Variants in RBFOX1 observed in about 807,000 individuals in gnomAD.
RBFOX1 encodes RNA binding fox-1 homolog 1.
Under a neutral mutation model 57.7 loss-of-function variants are expected in RBFOX1, and 8 were observed. The observed-to-expected ratio is 0.14, with a 90% CI of 0.08 to 0.25. The LOEUF (loss-of-function observed/expected upper bound fraction) is 0.25. Ranked by LOEUF, RBFOX1 falls within the 10% of genes least tolerant of loss-of-function variation. The pLI is 1.00. For missense variants in RBFOX1, 611 were observed against 548.5 expected (o/e 1.11, Z -1.14); for synonymous variants, 326 against 222.4 (o/e 1.47, Z -4.15).
chr16:6,845,407 G>T (rs926906211), intron 3 of RBFOX1, among the ~76,000 whole-genome samples: 2 of 152,022 alleles, frequency 1.3e-5, no homozygotes, highest in Non-Finnish European at 2.9e-5. Context: ...TGGCCAGACA[G>T]TTGTCCCAGC....
At chr16:7,313,033 G>T (rs1603618624) in intron 4 of RBFOX1, among the ~76,000 whole-genome samples, 1 of 152,222 alleles carries the variant, frequency 6.6e-6, no homozygotes, top group East Asian at 1.9e-4. Flanking sequence ...TGTAGGAGAG[G>T]CAGCGTGTTC....
chr16:6,895,001 C>T (rs993931804), intron 3 of RBFOX1, among the ~76,000 whole-genome samples: 4 of 152,140 alleles, frequency 2.6e-5, no homozygotes, highest in African/African-American at 9.7e-5. Flanking sequence ...AAAATTACCA[C>T]TAAACAACGT....
chr16:7,501,708 C>G (rs1031954526), intron 4 of RBFOX1, among the ~76,000 whole-genome samples: 3 of 152,180 alleles, frequency 2.0e-5, no homozygotes, highest in Non-Finnish European at 2.9e-5. Context: ...CAGTCTGTAT[C>G]CTACCACCTG....
chr16:7,215,404 A>G (rs1292020736), intron 4 of RBFOX1, among the ~76,000 whole-genome samples: 3 of 152,220 alleles, frequency 2.0e-5, no homozygotes, highest in African/African-American at 7.2e-5. Flanking sequence ...AATAGCAAAG[A>G]CTTGGAACCA....
chr16:5,971,167 C>G (rs1188545919), intron 4 of RBFOX1, among the ~76,000 whole-genome samples: 1 of 152,226 alleles, frequency 6.6e-6, no homozygotes, highest in Non-Finnish European at 1.5e-5. Flanking sequence ...TCTGCTGGCT[C>G]TGGGGATAGA....
chr16:5,517,923 A>G (rs930157690), intron 2 of RBFOX1, among the ~76,000 whole-genome samples: 2 of 143,292 alleles, frequency 1.4e-5, no homozygotes, highest in East Asian at 2.1e-4. Flanking sequence ...AAAATATGCA[A>G]AAGCTACTGT....
intron 2 of RBFOX1, among the ~76,000 whole-genome samples, chr16:5,547,085 G>A (rs1195937078): frequency 1.3e-5 from 2 of 152,132 alleles, no homozygotes; most frequent in African/African-American, 4.8e-5. Flanking sequence ...ACTGAAAGTA[G>A]AAAGACTGAC....
chr16:7,222,227 T>A (rs921030489), intron 4 of RBFOX1, among the ~76,000 whole-genome samples: 18 of 152,158 alleles, frequency 1.2e-4, no homozygotes, highest in Non-Finnish European at 4.4e-5. Context: ...GGCCTTGCAT[T>A]CTTCTTTGCT....
At chr16:5,363,810 C>A (rs1352537262) in intron 1 of RBFOX1, among the ~76,000 whole-genome samples, 7 of 152,164 alleles carry the variant, frequency 4.6e-5, no homozygotes, top group African/African-American at 1.7e-4. Flanking sequence ...TCTTGAGCTC[C>A]CTGGGGTTCC....
At chr16:5,905,240 G>C (rs139351871) in intron 4 of RBFOX1, among the ~76,000 whole-genome samples, 1 of 151,540 alleles carries the variant, frequency 6.6e-6, no homozygotes, top group East Asian at 2.0e-4. Flanking sequence ...GCTAATTTTC[G>C]TATTATTAGT....
At chr16:6,939,342 T>A (rs1490659764) in intron 3 of RBFOX1, among the ~76,000 whole-genome samples, 2 of 152,002 alleles carry the variant, frequency 1.3e-5, no homozygotes, top group Non-Finnish European at 2.9e-5. Context: ...ACAAATAATA[T>A]ATAAATTGGT....
intron 1 of RBFOX1, among the ~76,000 whole-genome samples, chr16:5,304,951 C>T (rs918103435): frequency 2.6e-5 from 4 of 152,170 alleles, no homozygotes; most frequent in Non-Finnish European, 4.4e-5. Flanking sequence ...ATGAAATTTG[C>T]CTCTTCGTGT....
At chr16:6,981,216 C>G (rs1447372622) in intron 3 of RBFOX1, among the ~76,000 whole-genome samples, 5 of 151,862 alleles carry the variant, frequency 3.3e-5, no homozygotes, top group Admixed American at 1.3e-4. Flanking sequence ...TTTCATCACC[C>G]AGGTATTAAG....
chr16:6,877,632 C>G (rs1603635567), intron 3 of RBFOX1, among the ~76,000 whole-genome samples: 2 of 152,112 alleles, frequency 1.3e-5, no homozygotes, highest in Non-Finnish European at 2.9e-5. Flanking sequence ...TTAGAGTTCA[C>G]AAAGCATTTT....
intron 3 of RBFOX1, among the ~76,000 whole-genome samples, chr16:6,833,592 C>A (rs555713987): frequency 1.2e-4 from 18 of 152,298 alleles, no homozygotes; most frequent in Middle Eastern, 3.4e-3. Flanking sequence ...ACTTATACAC[C>A]TGTTAGTATG....
chr16:6,740,625 A>G lies in RBFOX1; in HGVS notation c.-16+85975A>G, dbSNP rs2154182082. On this transcript the variant is annotated intron_variant, in intron 3 of 15. Transcript: ENST00000550418. ...AGATAAAAGCAACTTAAAATACAAT[A>G]CAATTTTAATCACCCAGAAAAAAGG... Among the ~76,000 whole-genome samples the G allele has an allele frequency of 3.3e-5, 5 of 152,330 alleles. 1 individual carries two copies. In the Middle Eastern group the frequency reaches 0.01, roughly 311 times the overall value.
At chr16:6,719,500 G>A (rs558044363) in intron 3 of RBFOX1, among the ~76,000 whole-genome samples, 1 of 151,852 alleles carries the variant, frequency 6.6e-6, no homozygotes, top group African/African-American at 2.4e-5. Context: ...GGGTGCAGTG[G>A]CATGATCTTG....
intron 4 of RBFOX1, among the ~76,000 whole-genome samples, chr16:7,284,756 T>G (rs1355877666): frequency 6.6e-6 from 1 of 152,234 alleles, no homozygotes; most frequent in Non-Finnish European, 1.5e-5. Context: ...CTTACTGGAT[T>G]GCAGCAGAAT....
At chr16:5,569,015 AT>A (rs34247073) in intron 2 of RBFOX1, among the ~76,000 whole-genome samples, 70,963 of 139,354 alleles carry the variant, frequency 0.51, 17,776 homozygotes, top group African/African-American at 0.66. Flanking sequence ...TAATTTTTGT[AT>A]TTTTTTTTTT....
Sources: gnomAD v4.1 joint callset for allele counts (sites outside exome capture counted in the v4.1 genomes callset) on GRCh38, gnomAD v4.1.1 for gene constraint, MANE v1.5 for transcripts, NCBI Gene and HGNC (gene_info 2026-07-23, HGNC 2026-07-21) for gene names.